The following SUZ12 variants were observed in gnomAD, a reference collection of about 807,000 sequenced individuals.
The protein encoded by SUZ12 is polycomb protein SUZ12.
A neutral mutation model predicts 87.3 loss-of-function variants in SUZ12; 17 were observed. That is an observed-to-expected ratio of 0.19 (90% CI 0.13 to 0.29). The LOEUF (loss-of-function observed/expected upper bound fraction) is 0.29. Among genes scored for constraint, SUZ12 ranks in the 10% least tolerant of loss-of-function variants. The probability of loss-of-function intolerance (pLI) is 1.00; values close to 1 mark genes in which losing one functional copy is unlikely to be tolerated. For synonymous variants in SUZ12, 253 were observed against 312.4 expected (o/e 0.81, Z 2.01); for missense variants, 526 against 912.2 (o/e 0.58, Z 5.45).
At chr17:31,940,870 C>T (rs1026704519) in intron 3 of SUZ12, among the ~76,000 whole-genome samples, 4 of 151,452 alleles carry the variant, frequency 2.6e-5, no homozygotes, top group African/African-American at 7.3e-5. Context: ...ATTAGCTGGG[C>T]GTGGTGGTGT....
At chr17:31,938,712 C>T (rs1459353269) in intron 1 of SUZ12, among the ~76,000 whole-genome samples, 1 of 152,070 alleles carries the variant, frequency 6.6e-6, no homozygotes, top group East Asian at 1.9e-4. Flanking sequence ...TGTTTGTACC[C>T]CTTCTAAAGT....
Position 31,988,515 on chromosome 17 carries a change from T to C in SUZ12, c.1201+18T>C. The C allele has an allele frequency of 6.3e-7, 1 of 1,580,082 alleles. No individual in the cohort carries two copies. Among genetic ancestry groups the C allele is most frequent in the Non-Finnish European group, 8.6e-7 (1 of 1,167,644 alleles). ...AACTATTGGTAAGAAAACATTGCAA[T>C]CAAAATAATAAAATAATGGTTTGCA... On this transcript the variant is annotated intron_variant, in intron 10 of 15. Transcript: ENST00000322652.
chr17:31,979,179 A>G (rs1039841080), intron 8 of SUZ12, among the ~76,000 whole-genome samples: 6 of 149,966 alleles, frequency 4.0e-5, no homozygotes, highest in African/African-American at 2.5e-5. Flanking sequence ...TAATATCCAC[A>G]TACCCTTCAT....
Position 31,998,744 on chromosome 17 carries a change from G to A in SUZ12, c.1961G>A (p.Arg654Gln), listed in dbSNP as rs777479817. The A allele has an allele frequency of 5.0e-6, 8 of 1,607,178 alleles. No homozygotes were observed. Among genetic ancestry groups the A allele is most frequent in the East Asian group, 2.2e-5 (1 of 44,708 alleles). ...GQKIIKKNLC[R>Q]NFMLHLVSMH... ...AAAATAATTAAGAAGAATTTATGTC[G>A]AAACTTCATGCTTCATCTAGTCAGC... Residue 654 changes from arginine to glutamine, a missense_variant, in exon 16 of 16, where the codon CGA becomes CAA. Transcript: ENST00000322652.
chr17:31,984,455 A>G (rs569932698), intron 9 of SUZ12, among the ~76,000 whole-genome samples: 1 of 152,354 alleles, frequency 6.6e-6, no homozygotes, highest in African/African-American at 2.4e-5. Flanking sequence ...AGTGAGGAAG[A>G]CCTTTCTAAG....
chr17:31,945,332 A>G (rs1252923439), intron 3 of SUZ12, among the ~76,000 whole-genome samples: 1 of 152,180 alleles, frequency 6.6e-6, no homozygotes, highest in East Asian at 1.9e-4. Context: ...TCATACTCTC[A>G]GTCGTGATAT....
At chr17:31,959,593 T>A (rs1907574904) in intron 4 of SUZ12, among the ~76,000 whole-genome samples, 1 of 152,212 alleles carries the variant, frequency 6.6e-6, no homozygotes, top group African/African-American at 2.4e-5. Flanking sequence ...CCAAGTAGAT[T>A]ATCAGACTTG....
At chr17:31,988,171 G>C (rs1409003535) in intron 9 of SUZ12, 149 bp from the exon 10 acceptor site, 15 of 705,460 alleles carry the variant, frequency 2.1e-5, no homozygotes, top group Non-Finnish European at 3.3e-5. Flanking sequence ...TACTTTGTTT[G>C]CCTAGCCGTC....
intron 14 of SUZ12, among the ~76,000 whole-genome samples, chr17:31,996,218 CAAAA>C (rs894065287): frequency 6.6e-6 from 1 of 152,142 alleles, no homozygotes; most frequent in Non-Finnish European, 1.5e-5. Context: ...TCAAAACAAA[CAAAA>C]AAGTTACCAA....
chr17:31,941,286 C>T (rs187996325), intron 3 of SUZ12, among the ~76,000 whole-genome samples: 124 of 151,286 alleles, frequency 8.2e-4, no homozygotes, highest in African/African-American at 2.9e-3. Flanking sequence ...AGAGAAGTCT[C>T]ACTCTTGTCC....
Position 31,937,338 on chromosome 17 carries a change from T to TGGC in SUZ12, c.100_102dup (p.Ala34dup). 2 of 1,473,082 alleles carry TGGC rather than the reference T, an allele frequency of 1.4e-6. No homozygotes were observed. The highest frequency in any genetic ancestry group is 2.9e-5 in the East Asian group (1 of 34,282). 91.3% of individuals were successfully genotyped at this position (1,473,082 alleles called of 1,614,324 possible). On this transcript the variant is annotated inframe_insertion, in exon 1 of 16. Transcript: ENST00000322652. ...GGCGGCTTCGGGGGTTCGGCGGCGG[T>TGGC]GGCGGCGGCGACGGCTTCGGGCGGC...
intron 5 of SUZ12, among the ~76,000 whole-genome samples, chr17:31,971,630 G>A (rs561762943): frequency 1.3e-5 from 2 of 151,736 alleles, no homozygotes; most frequent in Non-Finnish European, 2.9e-5. Flanking sequence ...GGGTTTCTCC[G>A]TGTTGGTCAG....
intron 8 of SUZ12, among the ~76,000 whole-genome samples, chr17:31,982,388 G>A (rs374436535): frequency 5.3e-4 from 80 of 152,250 alleles, no homozygotes; most frequent in African/African-American, 1.7e-3. Flanking sequence ...TGGGCTGGGC[G>A]CGGTGGTTCA....
In SUZ12 at chr17:31,961,370, A is replaced by G. The variant is rs572472013; in HGVS notation, c.456-4777A>G. ...TAGACCAGCCTGGCCAACGTGGTGA[A>G]ACCTCATCTCTACTAAAAACAGGAA... On this transcript the variant is annotated intron_variant, in intron 4 of 15. Coordinates refer to ENST00000322652, the MANE Select transcript of SUZ12 (RefSeq NM_015355.4). Among the ~76,000 whole-genome samples, 251 of 152,166 alleles carry G rather than the reference A, an allele frequency of 1.6e-3. 1 individual carries two copies. The highest frequency in any genetic ancestry group is 3.0e-3 in the Non-Finnish European group (207 of 67,992).
intron 5 of SUZ12, 25 bp from the exon 6 acceptor site, chr17:31,973,104 ATATTTTTTAAATATATT>A: frequency 6.7e-7 from 1 of 1,500,642 alleles, no homozygotes; most frequent in Non-Finnish European, 8.9e-7. Context: ...CCTTGTTCAT[ATATTTTTTAAATATATT>A]TTAAAATACT....
intron 5 of SUZ12, among the ~76,000 whole-genome samples, chr17:31,971,336 A>C (rs1433626225): frequency 6.6e-6 from 1 of 151,890 alleles, no homozygotes; most frequent in Non-Finnish European, 1.5e-5. Flanking sequence ...TTTAATTCAA[A>C]TGTTATCTTA....
At chr17:31,982,093 C>T (rs1567832134) in intron 8 of SUZ12, among the ~76,000 whole-genome samples, 2 of 152,160 alleles carry the variant, frequency 1.3e-5, no homozygotes, top group African/African-American at 2.4e-5. Context: ...TACATAGACA[C>T]ATATGTACAC....
rs901609880 is a variant in SUZ12, at chr17:31,968,739, C to T, written c.505+2543C>T. ...TCGTATTTTGTTTTCTGTGGTACTT[C>T]TGACGTGTCTAGACTTTAATTCTTC... On this transcript the variant is annotated intron_variant, in intron 5 of 15. Coordinates refer to ENST00000322652, the MANE Select transcript of SUZ12 (RefSeq NM_015355.4). Among the ~76,000 whole-genome samples the T allele has an allele frequency of 4.6e-5, 7 of 152,076 alleles. 1 individual carries two copies. Among genetic ancestry groups the T allele is most frequent in the African/African-American group, 1.7e-4 (7 of 41,392 alleles).
At position 31,952,091 on chromosome 17, in the gene SUZ12, A is replaced by G. The variant is rs1026799379; in HGVS notation, c.455+4406A>G. ...GCCCAGCCTTCTTTTTCTAAGAGAC[A>G]GGGTCTTGCTCTGTTGCCCAGGCTG... On this transcript the variant is annotated intron_variant, in intron 4 of 15. Transcript: ENST00000322652. Among the ~76,000 whole-genome samples, 5 of 152,020 alleles carry G rather than the reference A, an allele frequency of 3.3e-5. No individual in the cohort carries two copies. The East Asian group carries it at 7.7e-4, about 23-fold the overall frequency.
Sources: gnomAD v4.1 joint callset for allele counts (sites outside exome capture counted in the v4.1 genomes callset) on GRCh38, gnomAD v4.1.1 for gene constraint, MANE v1.5 for transcripts, NCBI Gene and HGNC (gene_info 2026-07-23, HGNC 2026-07-21) for gene names.